The following FANCC variants were observed in gnomAD, a reference collection of about 807,000 sequenced individuals.
FANCC encodes FA complementation group C.
A neutral mutation model predicts 71.3 loss-of-function variants in FANCC; 55 were observed. The ratio of observed to expected loss-of-function variants is 0.77; its 90% CI spans 0.62 to 0.97. FANCC has a LOEUF of 0.97. Among genes scored for constraint, FANCC ranks in the 50% least tolerant of loss-of-function variants. FANCC has a pLI of 0.00. For synonymous variants in FANCC, 275 were observed against 244.9 expected, an observed-to-expected ratio of 1.12 and a Z score of -1.15; for missense variants, 678 against 670.9, an observed-to-expected ratio of 1.01 and a Z score of -0.12.
At chr9:95,159,321 T>C (rs921450368) in intron 6 of FANCC, among the ~76,000 whole-genome samples, 3 of 152,232 alleles carry the variant, frequency 2.0e-5, no homozygotes, top group Non-Finnish European at 2.9e-5. Context: ...CTCAGAATGA[T>C]GGTTTCCAGC....
chr9:95,138,234 G>C (rs1024345678), intron 7 of FANCC, among the ~76,000 whole-genome samples: 3 of 152,236 alleles, frequency 2.0e-5, no homozygotes, highest in Admixed American at 1.3e-4. Context: ...AGTGAGTACA[G>C]GACCACGTTG....
At position 95,278,744 on chromosome 9, in the gene FANCC, A is replaced by G. The variant is rs562967056; in HGVS notation, c.-78-29375T>C. On this transcript the variant is annotated intron_variant, in intron 1 of 14. Coordinates refer to ENST00000289081, the MANE Select transcript of FANCC (RefSeq NM_000136.3). The stretch of plus-strand genomic sequence containing the variant: ...AAGTCGAGAATCATATGTATAGGAC[A>G]TAAGTCAAAAATCATATGTATAGGA... Among the ~76,000 whole-genome samples the G allele has an allele frequency of 3.3e-5, 5 of 151,212 alleles. No individual in the cohort carries two copies. In the South Asian group the frequency reaches 6.3e-4, roughly 19 times the overall value.
intron 1 of FANCC, among the ~76,000 whole-genome samples, chr9:95,271,425 G>A (rs1832707056): frequency 6.7e-6 from 1 of 150,246 alleles, no homozygotes; most frequent in African/African-American, 2.4e-5. Flanking sequence ...GTTGGAGACA[G>A]ACACAGAGGA....
In FANCC at chr9:95,117,215, T is replaced by TCC. The variant is rs1384281845; in HGVS notation, c.1072+98_1072+99dup. 2.9e-6 allele frequency: 3 copies of TCC among 1,021,662 alleles called. No individual in the cohort carries two copies. In the African/African-American group the frequency reaches 4.7e-5, roughly 16 times the overall value. 63.3% of individuals were successfully genotyped at this position (1,021,662 alleles called of 1,614,324 possible). ...GATCTTAGAAATAACCAGTTCTGTC[T>TCC]CCCTCATGCTGTAGATAAGGGCCTG... is the stretch of plus-strand genomic sequence containing the variant. On this transcript the variant is annotated intron_variant, in intron 11 of 14. Coordinates refer to ENST00000289081, the MANE Select transcript of FANCC (RefSeq NM_000136.3).
chr9:95,169,419 A>C (rs932302427), intron 6 of FANCC, among the ~76,000 whole-genome samples: 1 of 152,204 alleles, frequency 6.6e-6, no homozygotes, highest in Admixed American at 6.5e-5. Context: ...CTTGAAATAT[A>C]TTCCCTATAG....
chr9:95,297,003 A>C (rs1159245530), intron 1 of FANCC, among the ~76,000 whole-genome samples: 1 of 152,238 alleles, frequency 6.6e-6, no homozygotes, highest in Non-Finnish European at 1.5e-5. Context: ...TAAAATACAA[A>C]CTAAAACTGC....
chr9:95,203,858 T>C (rs1026980918), intron 4 of FANCC, among the ~76,000 whole-genome samples: 4 of 152,208 alleles, frequency 2.6e-5, no homozygotes, highest in Non-Finnish European at 4.4e-5. Context: ...TTGTGATATG[T>C]TGCTTTAGTT....
At chr9:95,151,350 T>G (rs2135444142) in intron 6 of FANCC, among the ~76,000 whole-genome samples, 1 of 152,302 alleles carries the variant, frequency 6.6e-6, no homozygotes, top group Admixed American at 6.5e-5. Flanking sequence ...AAAATGAAAG[T>G]TCTGGGTGGA....
chr9:95,238,171 T>A (rs187016394), intron 4 of FANCC, among the ~76,000 whole-genome samples: 5 of 152,238 alleles, frequency 3.3e-5, no homozygotes, highest in Admixed American at 2.6e-4. Context: ...TCTCTCTAGT[T>A]CCCCTGGGCC....
rs377569938 is a variant in FANCC at position 95,132,478 on chromosome 9, T to C, written c.843+2868A>G. 3.7e-4 allele frequency among the ~76,000 whole-genome samples: 57 copies of C among 152,296 alleles called. 1 individual carries two copies. The East Asian group carries it at 0.01, about 27-fold the overall frequency. On this transcript the variant is annotated intron_variant, in intron 8 of 14. Transcript: ENST00000289081. Reference sequence around the variant, plus strand: ...ATGGATTATGGTCTTCCCGTGCCCATGCTGTCAAGGAAAACACAAGACCAT... The same window carrying C: ...ATGGATTATGGTCTTCCCGTGCCCACGCTGTCAAGGAAAACACAAGACCAT...
intron 1 of FANCC, among the ~76,000 whole-genome samples, chr9:95,279,308 ACT>A (rs1416822732): frequency 6.6e-6 from 1 of 151,198 alleles, no homozygotes; most frequent in Non-Finnish European, 1.5e-5. Context: ...ACAGACCAAT[ACT>A]CTGTCTCAAG....
At chr9:95,160,270 T>C (rs913292562) in intron 6 of FANCC, among the ~76,000 whole-genome samples, 13 of 152,182 alleles carry the variant, frequency 8.5e-5, no homozygotes, top group African/African-American at 2.9e-4. Context: ...CCCAGCACCA[T>C]TTATTAAATA....
chr9:95,110,644 G>A (rs2071842713), intron 13 of FANCC: 2 of 1,045,656 alleles, frequency 1.9e-6, no homozygotes, highest in Non-Finnish European at 2.3e-6. Flanking sequence ...ATCTTTATTA[G>A]TCTGTGTGTT....
intron 7 of FANCC, among the ~76,000 whole-genome samples, chr9:95,146,440 A>G (rs1829553091): frequency 7.8e-6 from 1 of 127,690 alleles, no homozygotes; most frequent in South Asian, 2.8e-4. Flanking sequence ...GTGAGCCAAG[A>G]CTGCACCACT....
At chr9:95,154,245 CAAAAAA>C (rs58720791) in intron 6 of FANCC, among the ~76,000 whole-genome samples, 2 of 49,958 alleles carry the variant, frequency 4.0e-5, no homozygotes, top group African/African-American at 7.7e-5. Context: ...GACTCCGTCT[CAAAAAA>C]AAAAAAAAAA....
rs1168072722 is a variant in FANCC, at chr9:95,107,183, T to C, written c.1416A>G (p.Gly472=). 3 of 1,614,186 alleles carry C rather than the reference T, an allele frequency of 1.9e-6. No homozygotes were observed. The highest frequency in any genetic ancestry group is 1.1e-5 in the South Asian group (1 of 91,070). The change falls in exon 14 of 15, where the codon GGA becomes GGG. Residue 472 remains glycine (G), a synonymous_variant. Transcript: ENST00000289081. ...CTCTGAGGTCTGTGTCTGTGCCCTG[T>C]CCTGCTACCGTCTGCAGGTCCTGGG... ...LSAQDLQTVA[G]QGTDTDLRAP... is the part of the protein sequence containing the mutation.
chr9:95,242,665 GAGA>G (rs1052595414), intron 3 of FANCC, among the ~76,000 whole-genome samples: 6 of 152,122 alleles, frequency 3.9e-5, no homozygotes, highest in African/African-American at 1.2e-4. Context: ...AATAAAAAAA[GAGA>G]AGGAGCCAGA....
chr9:95,261,282 C>A (rs751911947), intron 1 of FANCC, among the ~76,000 whole-genome samples: 3 of 152,152 alleles, frequency 2.0e-5, no homozygotes, highest in Admixed American at 6.5e-5. Flanking sequence ...ACCTATTAGA[C>A]AATTGACAGC....
At chr9:95,301,179 C>CAG (rs1834705479) in intron 1 of FANCC, among the ~76,000 whole-genome samples, 1 of 150,744 alleles carries the variant, frequency 6.6e-6, no homozygotes, top group South Asian at 2.1e-4. Context: ...CATCAAAACA[C>CAG]ACACACACAC....
Sources: allele counts gnomAD v4.1 joint callset (sites outside exome capture counted in the v4.1 genomes callset), GRCh38; gene constraint gnomAD v4.1.1; transcripts MANE v1.5; gene names NCBI Gene and HGNC (gene_info 2026-07-23, HGNC 2026-07-21).